ARHGEF28: variants seen among roughly 807,000 people sequenced by gnomAD.
The protein encoded by ARHGEF28 is 190 kDa guanine nucleotide exchange factor.
A neutral mutation model predicts 206.6 loss-of-function variants in ARHGEF28; 152 were observed. The ratio of observed to expected loss-of-function variants is 0.74; its 90% CI spans 0.64 to 0.84. ARHGEF28 has a LOEUF of 0.84. Among genes scored for constraint, ARHGEF28 ranks in the 40% least tolerant of loss-of-function variants. The pLI is 0.00. For missense variants in ARHGEF28, 2,028 were observed against 2,073.2 expected, an observed-to-expected ratio of 0.98 and a Z score of 0.42; for synonymous variants, 763 against 776.4, an observed-to-expected ratio of 0.98 and a Z score of 0.29.
intron 6 of ARHGEF28, chr5:73,778,076 TA>T (rs11378540): frequency 0.014 from 2,020 of 140,600 alleles, 32 homozygotes; most frequent in African/African-American, 0.044. Flanking sequence ...AGACTCCGTC[TA>T]AAAAAAAAAA....
At chr5:73,645,161 A>C (rs1744351897) in intron 1 of ARHGEF28, among the ~76,000 whole-genome samples, 1 of 152,084 alleles carries the variant, frequency 6.6e-6, no homozygotes, top group African/African-American at 2.4e-5. Flanking sequence ...TAAAAAAATC[A>C]AATTATTAAG....
chr5:73,731,831 T>C (rs1463462960), intron 2 of ARHGEF28, among the ~76,000 whole-genome samples: 1 of 152,154 alleles, frequency 6.6e-6, no homozygotes, highest in African/African-American at 2.4e-5. Context: ...CAGTTATTTA[T>C]CAATGAAGCT....
chr5:73,741,339 A>T lies in ARHGEF28; in HGVS notation c.34-8498A>T, dbSNP rs1192874291. 5.0e-5 allele frequency among the ~76,000 whole-genome samples: 4 copies of T among 80,488 alleles called. No individual in the cohort carries two copies. The East Asian group carries it at 9.8e-4, about 20-fold the overall frequency. 52.8% of individuals were successfully genotyped at this position (80,488 alleles called of 152,430 possible). The stretch of plus-strand genomic sequence containing the variant: ...TGAAAGTCGTCTAGATTTTAAATTT[A>T]TATGTGTGTGTGTGTGTGTGTGTGT... On this transcript the variant is annotated intron_variant, in intron 2 of 35. Coordinates refer to ENST00000513042, the MANE Select transcript of ARHGEF28 (RefSeq NM_001177693.2).
intron 2 of ARHGEF28, among the ~76,000 whole-genome samples, chr5:73,701,134 C>T (rs1244531915): frequency 6.6e-6 from 1 of 152,142 alleles, no homozygotes; most frequent in Non-Finnish European, 1.5e-5. Flanking sequence ...TTTAATAAAA[C>T]CCAGTGGTGA....
chr5:73,867,912 C>A lies in ARHGEF28; in HGVS notation c.2189C>A (p.Ser730Tyr). The change falls in exon 19 of 36, where the codon TCC becomes TAC. Residue 730 changes from serine (S) to tyrosine (Y), a missense_variant. By Grantham distance (144) the Ser-to-Tyr change is moderately radical. Transcript: ENST00000513042. ...AGAGACATCCCACAGCCTGGTCTCT[C>A]CTTGCACCCTTCTTCCTCCGTGCCT... The part of the protein sequence containing the change: ...SFRDIPQPGL[S>Y]LHPSSSVPVG... 6.8e-6 allele frequency: 11 copies of A among 1,614,026 alleles called. No homozygotes were observed. Among genetic ancestry groups the A allele is most frequent in the Non-Finnish European group, 9.3e-6 (11 of 1,179,896 alleles).
chr5:73,795,564 C>G (rs944502979), intron 9 of ARHGEF28, 173 bp downstream of exon 9: 1 of 574,840 alleles, frequency 1.7e-6, no homozygotes, highest in South Asian at 2.5e-5. Context: ...TACTATGACT[C>G]TAGAGGTTGA....
At chr5:73,791,285 A>C (rs1754468979) in intron 7 of ARHGEF28, among the ~76,000 whole-genome samples, 1 of 152,238 alleles carries the variant, frequency 6.6e-6, no homozygotes, top group Non-Finnish European at 1.5e-5. Context: ...ATTCATTCAA[A>C]GACTATGAAC....
chr5:73,648,917 G>A (rs1209831992), intron 1 of ARHGEF28, among the ~76,000 whole-genome samples: 1 of 152,084 alleles, frequency 6.6e-6, no homozygotes, highest in Non-Finnish European at 1.5e-5. Context: ...CAACCTCTGG[G>A]GAGTAATCTC....
chr5:73,831,236 A>G (rs368124022), intron 9 of ARHGEF28, among the ~76,000 whole-genome samples: 2 of 152,366 alleles, frequency 1.3e-5, no homozygotes, highest in African/African-American at 4.8e-5. Context: ...TGAGGAAAGC[A>G]TAATAGTAAT....
intron 24 of ARHGEF28, 44 bp from the exon 25 acceptor site, chr5:73,885,806 T>G (rs778838429): frequency 1.7e-5 from 27 of 1,556,934 alleles, no homozygotes; most frequent in Non-Finnish European, 2.3e-5. Flanking sequence ...TACTCTGGTT[T>G]ATTGTATAGT....
intron 9 of ARHGEF28, among the ~76,000 whole-genome samples, chr5:73,804,082 CAAAAAAAAAAAAA>C (rs35722039): frequency 3.1e-5 from 2 of 64,314 alleles, no homozygotes; most frequent in East Asian, 9.2e-4. Flanking sequence ...GAGACCCTGT[CAAAAAAAAAAAAA>C]AAAAAAAAAA....
chr5:73,753,527 A>G lies in ARHGEF28; in HGVS notation c.475+325A>G, dbSNP rs1263750839. On this transcript the variant is annotated intron_variant, in intron 4 of 35. Coordinates refer to ENST00000513042, the MANE Select transcript of ARHGEF28 (RefSeq NM_001177693.2). ...AGTTTTCTTGCTGTGGGAAGGGGACATTGCTGCCCCATTTCCAAATAGGTA... is the reference window on the plus strand; with the variant it reads ...AGTTTTCTTGCTGTGGGAAGGGGACGTTGCTGCCCCATTTCCAAATAGGTA... Among the ~76,000 whole-genome samples the G allele has an allele frequency of 2.6e-5, 4 of 152,234 alleles. No homozygotes were observed. In the South Asian group the frequency reaches 6.2e-4, roughly 24 times the overall value.
In ARHGEF28 at chr5:73,840,685, C is replaced by T. The variant is rs373253212; in HGVS notation, c.1352C>T (p.Ser451Leu). Residue 451 changes from serine to leucine, a missense_variant, in exon 11 of 36, where the codon TCG becomes TTG. This residue lies in a region of ARHGEF28 where 1,002 missense variants were observed against 1,015.3 expected (regional missense o/e 0.99). Transcript: ENST00000513042. The stretch of plus-strand genomic sequence containing the variant: ...CAGTCCTTCATGTCACCATCAAGTT[C>T]GTGTGCTTCCAACTTGAATCTTTCT... ...AQQSFMSPSS[S>L]CASNLNLSFG... 60 of 1,612,946 alleles carry T rather than the reference C, an allele frequency of 3.7e-5. No homozygotes were observed. Among genetic ancestry groups the T allele is most frequent in the Middle Eastern group, 1.6e-4 (1 of 6,062 alleles).
chr5:73,866,113 G>A (rs975002328), intron 18 of ARHGEF28, 100 bp downstream of exon 18: 23 of 1,052,568 alleles, frequency 2.2e-5, no homozygotes, highest in Non-Finnish European at 2.8e-5. Flanking sequence ...CATTTATCCA[G>A]TTATTTCTTC....
intron 29 of ARHGEF28, among the ~76,000 whole-genome samples, chr5:73,897,032 T>G (rs1580066354): frequency 6.6e-6 from 1 of 152,198 alleles, no homozygotes; most frequent in Non-Finnish European, 1.5e-5. Context: ...AAAAAGCCAG[T>G]TCAGTAGTGC....
At chr5:73,789,183 C>T (rs1318577133) in intron 7 of ARHGEF28, among the ~76,000 whole-genome samples, 1 of 152,106 alleles carries the variant, frequency 6.6e-6, no homozygotes, top group African/African-American at 2.4e-5. Flanking sequence ...ATCTATCTAC[C>T]TATCTATCTA....
chr5:73,795,202 A>G, intron 8 of ARHGEF28, 129 bp from the exon 9 acceptor site: 1 of 772,944 alleles, frequency 1.3e-6, no homozygotes, highest in East Asian at 2.5e-5. Context: ...TTTTCTGTTT[A>G]CATGTGATGA....
At chr5:73,929,626 A>G (rs1561204058) in intron 35 of ARHGEF28, among the ~76,000 whole-genome samples, 2 of 152,216 alleles carry the variant, frequency 1.3e-5, no homozygotes, top group African/African-American at 4.8e-5. Context: ...TGTATTAGGC[A>G]TGCAATTAAC....
intron 13 of ARHGEF28, among the ~76,000 whole-genome samples, chr5:73,851,058 G>A (rs889081049): frequency 4.6e-5 from 7 of 152,090 alleles, no homozygotes; most frequent in Non-Finnish European, 8.8e-5. Flanking sequence ...AATGAAGAAG[G>A]AATAATTTTA....
Sources: allele counts gnomAD v4.1 joint callset (sites outside exome capture counted in the v4.1 genomes callset), GRCh38; gene constraint gnomAD v4.1.1; regional missense constraint gnomAD v4.1.1; transcripts MANE v1.5; gene names NCBI Gene and HGNC (gene_info 2026-07-23, HGNC 2026-07-21).